ZFHX2: variants seen among roughly 807,000 people sequenced by gnomAD.
ZFHX2 encodes zinc finger homeobox 2.
In ZFHX2, 75 loss-of-function variants were observed where a neutral mutation model predicts 164.8. That is an observed-to-expected ratio of 0.46 (90% CI 0.38 to 0.55). The LOEUF (loss-of-function observed/expected upper bound fraction) is 0.55, where lower values mean the gene tolerates loss of function less well. ZFHX2 is among the 20% of genes least tolerant of loss of function. ZFHX2 has a pLI of 0.00. For missense variants in ZFHX2, 2,933 were observed against 3,308.0 expected (o/e 0.89, Z 2.78); for synonymous variants, 1,217 against 1,351.4 (o/e 0.90, Z 2.18).
chr14:23,537,156 C>T (rs1880254452), intron 1 of ZFHX2, among the ~76,000 whole-genome samples: 1 of 151,656 alleles, frequency 6.6e-6, no homozygotes. Flanking sequence ...CTCCGTCTCA[C>T]CAAAAAAACA....
In ZFHX2 at chr14:23,546,822, C is replaced by A. The variant is rs143487940; in HGVS notation, c.-50+4521G>T. On this transcript the variant is annotated intron_variant, in intron 1 of 9. Coordinates refer to ENST00000419474, the MANE Select transcript of ZFHX2 (RefSeq NM_033400.3). The surrounding 1 kb of genome is among the most constrained non-coding windows in gnomAD (Gnocchi z 4.7). ...GCTGCAAAATATGAGCTGCCCAACT[C>A]CGTGGCGGTGGCTGACAGTGCAACA... Among the ~76,000 whole-genome samples, 223 of 152,302 alleles carry A rather than the reference C, an allele frequency of 1.5e-3. 2 individuals carry two copies. In the East Asian group the frequency reaches 0.04, roughly 27 times the overall value.
rs1327469138 is a variant in ZFHX2 at position 23,522,500 on chromosome 14, C to A, written c.7181G>T (p.Gly2394Val). 6.5e-7 allele frequency: 1 copy of A among 1,533,224 alleles called. No homozygotes were observed. The highest frequency in any genetic ancestry group is 8.7e-7 in the Non-Finnish European group (1 of 1,144,978). 95.0% of individuals were successfully genotyped at this position (1,533,224 alleles called of 1,614,324 possible). ...MNPMIPQTLI[G>V]LLPNALLQPP... ...CTGGAGGAGGGCATTGGGGAGCAGC[C>A]CAATGAGGGTCTGAGGTATCATGGG... Residue 2394 changes from glycine (G) to valine (V), a missense_variant, in exon 10 of 10, where the codon GGG becomes GTG. Physicochemically the swap from Gly to Val is moderately radical, Grantham distance 109 (BLOSUM62 -3). Coordinates refer to ENST00000419474, the MANE Select transcript of ZFHX2 (RefSeq NM_033400.3).
rs116043865 is a variant in ZFHX2, at chr14:23,525,358, C to A, written c.4584G>T (p.Pro1528=). 1.3e-6 allele frequency: 2 copies of A among 1,535,922 alleles called. No individual in the cohort carries two copies. The highest frequency in any genetic ancestry group is 1.7e-6 in the Non-Finnish European group (2 of 1,146,914). The part of the protein sequence containing the change: ...QFRKSYDSLY[P]PLAEPPKPPD... The stretch of plus-strand genomic sequence containing the variant: ...GAGGTTTGGGAGGCTCTGCAAGGGG[C>A]GGGTATAGGCTGTCATAGCTCTTTC... Residue 1528 remains proline (P), a synonymous_variant, in exon 9 of 10, where the codon CCG becomes CCT. Coordinates refer to ENST00000419474, the MANE Select transcript of ZFHX2 (RefSeq NM_033400.3). The surrounding 1 kb of genome is among the most constrained non-coding windows in gnomAD (Gnocchi z 5.9).
In ZFHX2 at chr14:23,523,855, A is replaced by C. The variant is rs1247991605; in HGVS notation, c.6087T>G (p.Asp2029Glu). The part of the protein sequence containing the change: ...ESEACSLSAG[D>E]LSDSSASSLA... ...GGCTGGAAGCAGATGAATCACTCAG[A>C]TCTCCTGCAGAGAGACTGCAAGCCT... The change falls in exon 9 of 10, where the codon GAT (aspartate) becomes GAG (glutamate). Residue 2029 changes from aspartate to glutamate, a missense_variant. Transcript: ENST00000419474. This position sits in a 1 kb window ranked among gnomAD's most constrained non-coding sequence, Gnocchi z 4.1. 5.2e-6 allele frequency: 8 copies of C among 1,535,918 alleles called. No homozygotes were observed. The highest frequency in any genetic ancestry group is 6.1e-6 in the Non-Finnish European group (7 of 1,146,896).
At position 23,523,026 on chromosome 14, in the gene ZFHX2, A is replaced by T; in HGVS notation, c.6740-85T>A. On this transcript the variant is annotated intron_variant, in intron 9 of 9. Transcript: ENST00000419474. This position sits in a 1 kb window ranked among gnomAD's most constrained non-coding sequence, Gnocchi z 4.1. ...CCATAGGCCACCTCCAGCCACACACACCCGTTCCCAGCACCGGATTTCCAT... is the reference window on the plus strand; with the variant it reads ...CCATAGGCCACCTCCAGCCACACACTCCCGTTCCCAGCACCGGATTTCCAT... 7.1e-7 allele frequency: 1 copy of T among 1,412,978 alleles called. No individual in the cohort carries two copies. The highest frequency in any genetic ancestry group is 2.6e-5 in the East Asian group (1 of 38,850). 87.5% of individuals were successfully genotyped at this position (1,412,978 alleles called of 1,614,324 possible). A position where few individuals can be genotyped will look rare whatever the true frequency, so the allele number is the denominator to read the frequency against.
chr14:23,525,148 G>A lies in ZFHX2; in HGVS notation c.4794C>T (p.Ser1598=). The A allele has an allele frequency of 1.3e-6, 2 of 1,536,168 alleles. No individual in the cohort carries two copies. The highest frequency in any genetic ancestry group is 1.7e-6 in the Non-Finnish European group (2 of 1,146,920). Residue 1598 remains serine, a synonymous_variant, in exon 9 of 10, where the codon TCC becomes TCT. Transcript: ENST00000419474. The surrounding 1 kb of genome is among the most constrained non-coding windows in gnomAD (Gnocchi z 5.9). ...TCTGGAACTCTGTGAACTTGGTTCT[G>A]GAGAACCGGCGGCCGGCAGGCACCA... ...PPLVPAGRRF[S]RTKFTEFQTQ...
intron 7 of ZFHX2, 95 bp from the exon 8 acceptor site, chr14:23,527,068 G>C: frequency 1.4e-6 from 2 of 1,394,714 alleles, no homozygotes. Flanking sequence ...CTTGTGCCGA[G>C]ATCCCTTGCC....
chr14:23,531,262 C>T, intron 4 of ZFHX2: 1 of 557,012 alleles, frequency 1.8e-6, no homozygotes. Context: ...ATCCACCCAG[C>T]AAAGCCCCTG....
chr14:23,537,354 G>C (rs1299091528), intron 1 of ZFHX2, among the ~76,000 whole-genome samples: 2 of 151,980 alleles, frequency 1.3e-5, no homozygotes, highest in African/African-American at 4.8e-5. Context: ...CGTATTAGCA[G>C]ATCTCTAGTG....
chr14:23,552,848 G>A (rs563871662), upstream of ZFHX2, among the ~76,000 whole-genome samples: 46 of 151,556 alleles, frequency 3.0e-4, no homozygotes, highest in Admixed American at 8.5e-4. Context: ...GTGATCCACC[G>A]GCCTCAGCCT....
intron 1 of ZFHX2, among the ~76,000 whole-genome samples, chr14:23,536,451 T>C (rs1473501294): frequency 6.6e-6 from 1 of 152,202 alleles, no homozygotes. Flanking sequence ...GGTCACAGCA[T>C]GTGGAACAGA....
intron 3 of ZFHX2, 62 bp from the exon 4 acceptor site, chr14:23,531,783 T>C: frequency 1.8e-6 from 2 of 1,132,034 alleles, no homozygotes; most frequent in Non-Finnish European, 2.2e-6. Flanking sequence ...TCAGGGGACT[T>C]TTTTTTTTTT....
intron 1 of ZFHX2, chr14:23,543,383 C>T (rs1271774462): frequency 6.6e-6 from 1 of 152,226 alleles, no homozygotes; most frequent in Admixed American, 6.5e-5. Context: ...AGTACCTCTG[C>T]TCTTGGGTTA....
In ZFHX2 at chr14:23,534,987, G is replaced by A; in HGVS notation, c.339C>T (p.His113=). The change falls in exon 2 of 10, where the codon CAC becomes CAT. Residue 113 remains histidine, a synonymous_variant. Coordinates refer to ENST00000419474, the MANE Select transcript of ZFHX2 (RefSeq NM_033400.3). This position sits in a 1 kb window ranked among gnomAD's most constrained non-coding sequence, Gnocchi z 4.5. The part of the protein sequence containing the change: ...EGLPPMDLSN[H]LFFTAGGEAY... ...CCTCACCTCCAGCTGTGAAGAATAA[G>A]TGGTTGCTTAGGTCCATGGGAGGGA... The A allele has an allele frequency of 6.5e-7, 1 of 1,536,188 alleles. No individual in the cohort carries two copies. The highest frequency in any genetic ancestry group is 1.2e-5 in the South Asian group (1 of 84,064).
At position 23,526,398 on chromosome 14, in the gene ZFHX2, C is replaced by A. The variant is rs1878714431; in HGVS notation, c.3544G>T (p.Asp1182Tyr). Residue 1182 changes from aspartate (D) to tyrosine (Y), a missense_variant, in exon 9 of 10, where the codon GAC becomes TAC. Asp to Tyr is a radical substitution (Grantham distance 160). Transcript: ENST00000419474. ...GGCCGGGCAGGGTCGAGAAACTTGT[C>A]CAGGGCAAAGTTGGTGGTTTTCCGA... Reference protein sequence around the residue: ...TYRKTTNFALDKFLDPARPYK... With the variant: ...TYRKTTNFALYKFLDPARPYK... 1.3e-6 allele frequency: 2 copies of A among 1,536,232 alleles called. No individual in the cohort carries two copies. The highest frequency in any genetic ancestry group is 1.7e-6 in the Non-Finnish European group (2 of 1,146,788).
chr14:23,522,793 A>G lies in ZFHX2; in HGVS notation c.6888T>C (p.Pro2296=). The change falls in exon 10 of 10, where the codon CCT becomes CCC. Residue 2296 remains proline (P), a synonymous_variant. Coordinates refer to ENST00000419474, the MANE Select transcript of ZFHX2 (RefSeq NM_033400.3). ...AGGGCTCAGTAGGAGGGCCTGGGAC[A>G]GGGTCAGTGGTGCCTGCTGTGGAGG... ...TNTSTAGTTD[P]VPGPPTEPLG... The G allele has an allele frequency of 1.3e-6, 2 of 1,536,338 alleles. No homozygotes were observed. Among genetic ancestry groups the G allele is most frequent in the Admixed American group, 3.9e-5 (2 of 50,988 alleles).
In ZFHX2 at chr14:23,532,909, G is replaced by A; in HGVS notation, c.2217C>T (p.Cys739=). 1 of 1,536,238 alleles carries A rather than the reference G, an allele frequency of 6.5e-7. No individual in the cohort carries two copies. Among genetic ancestry groups the A allele is most frequent in the Non-Finnish European group, 8.7e-7 (1 of 1,146,918 alleles). The change falls in exon 3 of 10, where the codon TGC becomes TGT. Residue 739 remains cysteine, a synonymous_variant. Coordinates refer to ENST00000419474, the MANE Select transcript of ZFHX2 (RefSeq NM_033400.3). Reference sequence around the variant, plus strand: ...CTTCCGGGAGGCTCCGGCCTATGCTGCAGTGGTAGAGCAGCAGCTCCAGGC... The same window carrying A: ...CTTCCGGGAGGCTCCGGCCTATGCTACAGTGGTAGAGCAGCAGCTCCAGGC... The part of the protein sequence containing the change: ...TDSLELLLYH[C]SIGRSLPEAE...
At position 23,525,248 on chromosome 14, in the gene ZFHX2, G is replaced by C; in HGVS notation, c.4694C>G (p.Pro1565Arg). 6.5e-7 allele frequency: 1 copy of C among 1,536,138 alleles called. No homozygotes were observed. The highest frequency in any genetic ancestry group is 8.7e-7 in the Non-Finnish European group (1 of 1,146,916). ...TCCCCCTGCTCGACTTCGCTCTTCA[G>C]GGGCACGGGTCCCCCCTGCCTCAGG... ...PEPEAGGTRA[P>R]EERSRAGGHW... is the part of the protein sequence containing the mutation. Residue 1565 changes from proline to arginine, a missense_variant, in exon 9 of 10, where the codon CCT (proline) becomes CGT (arginine). By Grantham distance (103) the Pro-to-Arg change is moderately radical (BLOSUM62 -2). Coordinates refer to ENST00000419474, the MANE Select transcript of ZFHX2 (RefSeq NM_033400.3). This position sits in a 1 kb window ranked among gnomAD's most constrained non-coding sequence, Gnocchi z 5.9.
Position 23,524,447 on chromosome 14 carries a change from C to A in ZFHX2, c.5495G>T (p.Arg1832Leu), listed in dbSNP as rs1031309225. ...AGACAAGCTGCCGTCCTCATGCTTC[C>A]GTTTGAGAGGTGGACCTGGCATTGG... ...TSPMPGPPLK[R>L]KHEDGSLSPT... The change falls in exon 9 of 10, where the codon CGG becomes CTG. Residue 1832 changes from arginine to leucine, a missense_variant. Transcript: ENST00000419474. This position sits in a 1 kb window ranked among gnomAD's most constrained non-coding sequence, Gnocchi z 5.6. 1.3e-6 allele frequency: 2 copies of A among 1,535,722 alleles called. No homozygotes were observed. Among genetic ancestry groups the A allele is most frequent in the Non-Finnish European group, 1.7e-6 (2 of 1,146,666 alleles).
Sources: gnomAD v4.1 joint callset for allele counts (sites outside exome capture counted in the v4.1 genomes callset) on GRCh38, gnomAD v4.1.1 for gene constraint, Gnocchi (gnomAD v3.1) non-coding constraint, MANE v1.5 for transcripts, NCBI Gene and HGNC (gene_info 2026-07-23, HGNC 2026-07-21) for gene names.